The following RBFOX1 variants were observed in gnomAD, a reference collection of about 807,000 sequenced individuals.
RBFOX1 encodes RNA binding fox-1 homolog 1, also known as RNA binding protein fox-1 homolog 1.
Under a neutral mutation model 57.7 loss-of-function variants are expected in RBFOX1, and 8 were observed. That is an observed-to-expected ratio of 0.14 (90% CI 0.08 to 0.25). The LOEUF (loss-of-function observed/expected upper bound fraction) is 0.25. Among genes scored for constraint, RBFOX1 ranks in the 10% least tolerant of loss-of-function variants. RBFOX1 has a pLI of 1.00. For missense variants in RBFOX1, 611 were observed against 548.5 expected, an observed-to-expected ratio of 1.11 and a Z score of -1.14; for synonymous variants, 326 against 222.4, an observed-to-expected ratio of 1.47 and a Z score of -4.15.
intron 1 of RBFOX1, among the ~76,000 whole-genome samples, chr16:5,320,500 C>G (rs1484099913): frequency 1.3e-5 from 2 of 152,188 alleles, no homozygotes; most frequent in African/African-American, 4.8e-5. Flanking sequence ...ACTTAGAAGT[C>G]TTTTAGAAGG....
At chr16:6,581,541 G>C (rs2097537592) in intron 2 of RBFOX1, among the ~76,000 whole-genome samples, 1 of 152,168 alleles carries the variant, frequency 6.6e-6, no homozygotes, top group Non-Finnish European at 1.5e-5. Flanking sequence ...AACCGTAGGT[G>C]AGTGCCAACA....
intron 3 of RBFOX1, among the ~76,000 whole-genome samples, chr16:6,979,301 C>T (rs1025640103): frequency 1.3e-5 from 2 of 152,166 alleles, no homozygotes; most frequent in African/African-American, 4.8e-5. Context: ...TCTGATTAAA[C>T]ACGCAGGATA....
intron 1 of RBFOX1, among the ~76,000 whole-genome samples, chr16:6,137,604 TCA>T: frequency 7.2e-6 from 1 of 138,584 alleles, no homozygotes; most frequent in African/African-American, 2.7e-5. Context: ...CTGCGCCTGG[TCA>T]TTTTTTTTTT....
chr16:6,208,991 A>G (rs757986841), intron 1 of RBFOX1, among the ~76,000 whole-genome samples: 2 of 152,018 alleles, frequency 1.3e-5, no homozygotes, highest in Admixed American at 6.6e-5. Context: ...TCTTTGAAGC[A>G]TTTATGCTTT....
chr16:5,703,576 T>C (rs2051130541), intron 3 of RBFOX1, among the ~76,000 whole-genome samples: 1 of 152,176 alleles, frequency 6.6e-6, no homozygotes, highest in African/African-American at 2.4e-5. Context: ...AGTGCACAGA[T>C]GTTTTAGTGC....
chr16:7,261,628 G>A (rs191332799), intron 4 of RBFOX1, among the ~76,000 whole-genome samples: 1 of 152,284 alleles, frequency 6.6e-6, no homozygotes, highest in East Asian at 1.9e-4. Context: ...CAGGAACTCA[G>A]GCTCTGTAGG....
At chr16:7,208,887 T>A (rs1287428419) in intron 4 of RBFOX1, among the ~76,000 whole-genome samples, 1 of 152,010 alleles carries the variant, frequency 6.6e-6, no homozygotes, top group Non-Finnish European at 1.5e-5. Context: ...TCCTAAGGAC[T>A]AAGAGAGCAA....
At position 7,712,942 on chromosome 16, in the gene RBFOX1, ACTTTCCCCCAT is replaced by A. The variant is rs1225920873; in HGVS notation, c.*2198_*2208del. The A allele has an allele frequency of 6.6e-6, 1 of 152,234 alleles. No homozygotes were observed. The highest frequency in any genetic ancestry group is 6.5e-5 in the Admixed American group (1 of 15,278). 9.4% of individuals were successfully genotyped at this position (152,234 alleles called of 1,614,324 possible). Reference sequence around the variant, plus strand: ...GTTTTGATTTTCATCAATGAGCTGTACTTTCCCCCATGACTGTATGTAGTTTTAATAAAATC... The same window carrying A: ...GTTTTGATTTTCATCAATGAGCTGTAGACTGTATGTAGTTTTAATAAAATC... On this transcript the variant is annotated 3_prime_UTR_variant, in exon 16 of 16. Transcript: ENST00000550418.
chr16:5,290,857 C>G (rs1272245943), intron 1 of RBFOX1, among the ~76,000 whole-genome samples: 2 of 152,104 alleles, frequency 1.3e-5, no homozygotes, highest in Admixed American at 6.6e-5. Flanking sequence ...CACCACCACA[C>G]CTGGCTAATT....
At chr16:6,814,818 G>A (rs11648981) in intron 3 of RBFOX1, among the ~76,000 whole-genome samples, 83,062 of 151,890 alleles carry the variant, frequency 0.55, 23,233 homozygotes, top group African/African-American at 0.64. Context: ...TTTATGTCCT[G>A]TGAGTGTTTC....
At chr16:6,380,755 A>T (rs569305045) in intron 2 of RBFOX1, among the ~76,000 whole-genome samples, 1 of 152,282 alleles carries the variant, frequency 6.6e-6, no homozygotes, top group South Asian at 2.1e-4. Context: ...CCAAAGGAGA[A>T]CACATAATCA....
intron 4 of RBFOX1, among the ~76,000 whole-genome samples, chr16:7,322,470 G>C (rs756508960): frequency 1.3e-5 from 2 of 152,216 alleles, no homozygotes; most frequent in African/African-American, 4.8e-5. Flanking sequence ...TTGACTTTGC[G>C]CATGCCTGCC....
At chr16:5,357,129 G>C (rs1042848346) in intron 1 of RBFOX1, among the ~76,000 whole-genome samples, 1 of 152,176 alleles carries the variant, frequency 6.6e-6, no homozygotes, top group Non-Finnish European at 1.5e-5. Context: ...AGCATTTGTT[G>C]AGTGCACCTC....
intron 3 of RBFOX1, among the ~76,000 whole-genome samples, chr16:6,715,689 C>T (rs1028290633): frequency 1.3e-5 from 2 of 152,172 alleles, no homozygotes; most frequent in African/African-American, 4.8e-5. Context: ...TGAAGCAGCC[C>T]ACCTGGCCCA....
At chr16:6,142,637 AGAGT>A (rs370016101) in intron 1 of RBFOX1, among the ~76,000 whole-genome samples, 190 of 152,328 alleles carry the variant, frequency 1.2e-3, no homozygotes, top group Non-Finnish European at 2.2e-3. Flanking sequence ...TGCCAGAAAC[AGAGT>A]GAGTACTGAT....
intron 1 of RBFOX1, among the ~76,000 whole-genome samples, chr16:5,267,000 C>G (rs2062876009): frequency 6.6e-6 from 1 of 151,932 alleles, no homozygotes; most frequent in Non-Finnish European, 1.5e-5. Context: ...AGCTGATCAC[C>G]TTAATTTGAA....
chr16:7,702,599 C>T (rs561216016), intron 14 of RBFOX1, among the ~76,000 whole-genome samples: 3 of 152,324 alleles, frequency 2.0e-5, no homozygotes, highest in Admixed American at 6.5e-5. Flanking sequence ...TGGGGCAGTG[C>T]TGCAGAACTC....
chr16:6,717,376 C>G (rs2065036465), intron 3 of RBFOX1, among the ~76,000 whole-genome samples: 1 of 152,172 alleles, frequency 6.6e-6, no homozygotes, highest in African/African-American at 2.4e-5. Context: ...TATTACTCAA[C>G]TGTGCATCTT....
chr16:6,891,784 C>A (rs552171753), intron 3 of RBFOX1, among the ~76,000 whole-genome samples: 1 of 152,160 alleles, frequency 6.6e-6, no homozygotes, highest in Non-Finnish European at 1.5e-5. Context: ...CAAATTCCTG[C>A]TGCCCAAAAT....
Sources: allele counts gnomAD v4.1 joint callset (sites outside exome capture counted in the v4.1 genomes callset), GRCh38; gene constraint gnomAD v4.1.1; transcripts MANE v1.5; gene names NCBI Gene and HGNC (gene_info 2026-07-23, HGNC 2026-07-21).